KAZN: variants seen among roughly 807,000 people sequenced by gnomAD.
KAZN encodes kazrin.
KAZN carries 40 observed loss-of-function variants against 87.4 expected under a neutral mutation model. The ratio of observed to expected loss-of-function variants is 0.46; its 90% CI spans 0.36 to 0.60. KAZN has a LOEUF of 0.60. KAZN is among the 20% of genes least tolerant of loss of function. The pLI is 0.00. For synonymous variants in KAZN, 466 were observed against 458.3 expected (o/e 1.02, Z -0.22); for missense variants, 898 against 1,073.9 (o/e 0.84, Z 2.29).
intron 1 of KAZN, among the ~76,000 whole-genome samples, chr1:14,952,033 CCA>C (rs1662546393): frequency 2.0e-5 from 3 of 152,136 alleles, no homozygotes; most frequent in African/African-American, 7.2e-5. Flanking sequence ...CAGGCGGGGA[CCA>C]CCGCAACCCT....
chr1:15,108,353 G>T (rs575849579), intron 13 of KAZN, among the ~76,000 whole-genome samples: 1 of 152,248 alleles, frequency 6.6e-6, no homozygotes. Flanking sequence ...GCCCAGAGGC[G>T]TGGGCCTGTG....
chr1:14,081,100 G>A (rs539454035), intron 1 of KAZN, among the ~76,000 whole-genome samples: 115 of 149,830 alleles, frequency 7.7e-4, no homozygotes, highest in African/African-American at 2.7e-3. Context: ...GACACACATG[G>A]TGTTGGTTTT....
At chr1:14,141,731 T>C (rs373771200) in intron 1 of KAZN, among the ~76,000 whole-genome samples, 6 of 151,312 alleles carry the variant, frequency 4.0e-5, no homozygotes, top group African/African-American at 1.5e-4. Context: ...GGTAAAAAAA[T>C]CAGCGAGTTT....
intron 1 of KAZN, among the ~76,000 whole-genome samples, chr1:14,034,831 C>T (rs563709317): frequency 2.0e-5 from 3 of 152,294 alleles, no homozygotes; most frequent in African/African-American, 7.2e-5. Context: ...AGGCCTGGCT[C>T]AGCTGCCCTT....
intron 1 of KAZN, among the ~76,000 whole-genome samples, chr1:14,633,209 AC>A (rs1478098911): frequency 6.6e-6 from 1 of 151,942 alleles, no homozygotes; most frequent in African/African-American, 2.4e-5. Flanking sequence ...GAGCCACCGC[AC>A]CCGGCCAAAA....
intron 1 of KAZN, among the ~76,000 whole-genome samples, chr1:14,859,949 T>G (rs1414827101): frequency 1.3e-5 from 2 of 152,130 alleles, no homozygotes; most frequent in Non-Finnish European, 2.9e-5. Flanking sequence ...ACAGAATTTC[T>G]CCCAGACAGG....
At position 15,038,954 on chromosome 1, in the gene KAZN, A is replaced by G. The variant is rs577617511; in HGVS notation, c.555+4069A>G. On this transcript the variant is annotated intron_variant, in intron 3 of 14. Transcript: ENST00000376030. ...TACTGTATACAGACACGAATGTGCT[A>G]TTACCAACAGCAGACGTTTATTGTG... is the stretch of plus-strand genomic sequence containing the variant. Among the ~76,000 whole-genome samples, 8 of 151,408 alleles carry G rather than the reference A, an allele frequency of 5.3e-5. No individual in the cohort carries two copies. The East Asian group carries it at 1.2e-3, about 23-fold the overall frequency.
At chr1:14,671,650 T>A (rs1404780405) in intron 1 of KAZN, among the ~76,000 whole-genome samples, 1 of 152,046 alleles carries the variant, frequency 6.6e-6, no homozygotes, top group Non-Finnish European at 1.5e-5. Flanking sequence ...CTTTTTTTTT[T>A]AAAGGACTGT....
At chr1:13,987,218 A>G (rs956124448) in intron 1 of KAZN, among the ~76,000 whole-genome samples, 1 of 152,042 alleles carries the variant, frequency 6.6e-6, no homozygotes, top group African/African-American at 2.4e-5. Context: ...TTTGTTACAT[A>G]GGTATACATG....
chr1:13,895,064 G>A (rs879368606), intron 1 of KAZN, among the ~76,000 whole-genome samples: 1 of 152,194 alleles, frequency 6.6e-6, no homozygotes, highest in Non-Finnish European at 1.5e-5. Context: ...TCATTGCAAA[G>A]ATTAATTAAG....
chr1:14,936,464 G>A (rs530309462), intron 1 of KAZN, among the ~76,000 whole-genome samples: 3 of 152,290 alleles, frequency 2.0e-5, no homozygotes, highest in Admixed American at 6.5e-5. Flanking sequence ...CATGGGATAT[G>A]CCTTGGTCTC....
At chr1:14,781,928 C>T (rs1645363888) in intron 1 of KAZN, among the ~76,000 whole-genome samples, 1 of 152,164 alleles carries the variant, frequency 6.6e-6, no homozygotes, top group Non-Finnish European at 1.5e-5. Context: ...GATCCATGTT[C>T]TGTTTATTTC....
At chr1:14,059,545 T>C (rs983893290) in intron 1 of KAZN, among the ~76,000 whole-genome samples, 4 of 152,222 alleles carry the variant, frequency 2.6e-5, no homozygotes, top group African/African-American at 9.6e-5. Flanking sequence ...CCCACATTAA[T>C]GGTGGGTTTT....
chr1:14,265,609 G>C (rs757352587), intron 2 of KAZN, among the ~76,000 whole-genome samples: 8 of 152,180 alleles, frequency 5.3e-5, no homozygotes, highest in Non-Finnish European at 1.2e-4. Flanking sequence ...AGAGGCAACT[G>C]TTTCACCCTA....
chr1:14,050,774 A>T (rs1397151309), intron 1 of KAZN, among the ~76,000 whole-genome samples: 1 of 152,100 alleles, frequency 6.6e-6, no homozygotes, highest in African/African-American at 2.4e-5. Flanking sequence ...AGGCCTGCCC[A>T]TGTGCCAGTG....
intron 1 of KAZN, among the ~76,000 whole-genome samples, chr1:14,833,190 C>G (rs979114754): frequency 6.6e-6 from 1 of 152,120 alleles, no homozygotes; most frequent in African/African-American, 2.4e-5. Flanking sequence ...AGGGAGTGAA[C>G]CACTCACCGA....
rs192582177 is a variant in KAZN at position 14,080,713 on chromosome 1, G to A, written c.92-99722G>A. On this transcript the variant is annotated intron_variant, in intron 1 of 16. Coordinates refer to the KAZN transcript ENST00000636203. ...CATGACTCTTTTCTGTAAAAGCTTCGGTAGCACATAGAGCTTTGAGTATTG... is the reference window on the plus strand; with the variant it reads ...CATGACTCTTTTCTGTAAAAGCTTCAGTAGCACATAGAGCTTTGAGTATTG... 2.7e-3 allele frequency among the ~76,000 whole-genome samples: 417 copies of A among 152,296 alleles called. 1 individual carries two copies. The highest frequency in any genetic ancestry group is 9.3e-3 in the African/African-American group (388 of 41,560).
intron 1 of KAZN, among the ~76,000 whole-genome samples, chr1:14,071,968 T>C (rs563181339): frequency 2.6e-5 from 4 of 152,346 alleles, no homozygotes; most frequent in African/African-American, 7.2e-5. Flanking sequence ...GTTTGTAGTA[T>C]CTGGTGGCTC....
intron 1 of KAZN, among the ~76,000 whole-genome samples, chr1:14,671,374 A>G (rs1639905613): frequency 6.6e-6 from 1 of 152,230 alleles, no homozygotes; most frequent in Non-Finnish European, 1.5e-5. Context: ...TAAATGAATG[A>G]GTGAATGGCA....
Sources: gnomAD v4.1 joint callset for allele counts (sites outside exome capture counted in the v4.1 genomes callset) on GRCh38, gnomAD v4.1.1 for gene constraint, MANE v1.5 for transcripts, NCBI Gene and HGNC (gene_info 2026-07-23, HGNC 2026-07-21) for gene names.